The following DENND5A variants were observed in gnomAD, a reference collection of about 807,000 sequenced individuals.
DENND5A encodes the protein DENN domain-containing protein 5A.
DENND5A carries 64 observed loss-of-function variants against 140.3 expected under a neutral mutation model. The observed-to-expected ratio is 0.46, with a 90% confidence interval of 0.37 to 0.56. DENND5A has a LOEUF of 0.56. DENND5A is among the 20% of genes least tolerant of loss of function. DENND5A has a pLI of 0.00. For synonymous variants in DENND5A, 605 were observed against 607.7 expected, an observed-to-expected ratio of 1.00 and a Z score of 0.07; for missense variants, 1,292 against 1,593.8, an observed-to-expected ratio of 0.81 and a Z score of 3.22.
At chr11:9,238,722 T>C (rs1851108360) in intron 1 of DENND5A, among the ~76,000 whole-genome samples, 1 of 151,748 alleles carries the variant, frequency 6.6e-6, no homozygotes, top group Non-Finnish European at 1.5e-5. Flanking sequence ...CCCAAAAATA[T>C]TTTTTAACTG....
At chr11:9,191,792 G>A (rs933314617) in intron 5 of DENND5A, among the ~76,000 whole-genome samples, 1 of 152,128 alleles carries the variant, frequency 6.6e-6, no homozygotes, top group Non-Finnish European at 1.5e-5. Flanking sequence ...TGCCTCTTTG[G>A]CCTTCCACCT....
chr11:9,203,876 A>G lies in DENND5A; in HGVS notation c.733T>C (p.Tyr245His), dbSNP rs760147613. 2.3e-5 allele frequency: 37 copies of G among 1,614,028 alleles called. No individual in the cohort carries two copies. The South Asian group carries it at 3.6e-4, about 16-fold the overall frequency. The part of the protein sequence containing the change: ...PPPLPLESYI[Y>H]NVLYEVPLPP... The stretch of plus-strand genomic sequence containing the variant: ...AGCGGCACCTCGTAGAGTACGTTGT[A>G]TATGTAGCTCTCAAGGGGCAGTGGA... The change falls in exon 4 of 23, where the codon TAC becomes CAC. Residue 245 changes from tyrosine to histidine, a missense_variant. By Grantham distance (83) the Tyr-to-His change is moderately conservative. Coordinates refer to ENST00000328194, the MANE Select transcript of DENND5A (RefSeq NM_015213.4).
intron 3 of DENND5A, 105 bp from the exon 4 acceptor site, chr11:9,204,422 C>T (rs1047730313): frequency 9.0e-7 from 1 of 1,108,440 alleles, no homozygotes; most frequent in South Asian, 1.6e-5. Context: ...CTAAGCTGAG[C>T]GTGTATCTGG....
At chr11:9,171,017 A>C in intron 8 of DENND5A, 3 of 589,066 alleles carry the variant, frequency 5.1e-6, no homozygotes, top group Non-Finnish European at 2.8e-6. Context: ...CAGGTAACAA[A>C]TGAGGTAACC....
At chr11:9,207,708 C>T in intron 1 of DENND5A, 76 bp from the exon 2 acceptor site, 2 of 1,037,114 alleles carry the variant, frequency 1.9e-6, no homozygotes, top group Non-Finnish European at 3.0e-6. Context: ...TATTCCAGTA[C>T]AAATTACATT....
At chr11:9,222,798 A>G (rs1212434561) in intron 1 of DENND5A, among the ~76,000 whole-genome samples, 3 of 152,222 alleles carry the variant, frequency 2.0e-5, no homozygotes, top group Non-Finnish European at 4.4e-5. Context: ...AGGAAAAGCA[A>G]AGAGGCCTCA....
chr11:9,151,235 G>C lies in DENND5A; in HGVS notation c.2522-471C>G, dbSNP rs1011089827. Among the ~76,000 whole-genome samples the C allele has an allele frequency of 7.2e-5, 11 of 152,188 alleles. No individual in the cohort carries two copies. In the South Asian group the frequency reaches 2.1e-3, roughly 29 times the overall value. ...AAGAGAATATATAAAGAACAAGAAT[G>C]TTCTGGTTCTGTTCCAGAATGATAG... On this transcript the variant is annotated intron_variant, in intron 13 of 22. Transcript: ENST00000328194.
At chr11:9,162,181 A>G (rs1848006434) in intron 11 of DENND5A, among the ~76,000 whole-genome samples, 1 of 150,212 alleles carries the variant, frequency 6.7e-6, no homozygotes, top group African/African-American at 2.4e-5. Flanking sequence ...TGTGAAATAT[A>G]TAATATATAT....
At chr11:9,194,220 C>G (rs755488918) in intron 4 of DENND5A, among the ~76,000 whole-genome samples, 3 of 152,180 alleles carry the variant, frequency 2.0e-5, no homozygotes, top group African/African-American at 7.2e-5. Context: ...ACCTGGCAAC[C>G]TTTCCTGAAT....
chr11:9,254,716 T>C (rs1293824564), intron 1 of DENND5A, among the ~76,000 whole-genome samples: 1 of 152,138 alleles, frequency 6.6e-6, no homozygotes, highest in Non-Finnish European at 1.5e-5. Context: ...ATAAAACTTT[T>C]TATAGCTACT....
chr11:9,210,132 GA>G (rs1156344516), intron 1 of DENND5A, among the ~76,000 whole-genome samples: 1 of 151,944 alleles, frequency 6.6e-6, no homozygotes, highest in Non-Finnish European at 1.5e-5. Context: ...GAAACAGTAG[GA>G]AAACTTAATC....
intron 1 of DENND5A, among the ~76,000 whole-genome samples, chr11:9,241,474 C>CCT (rs1851231810): frequency 6.6e-6 from 1 of 152,142 alleles, no homozygotes; most frequent in African/African-American, 2.4e-5. Context: ...CCCCACACTC[C>CCT]CTCTCCCTTC....
intron 1 of DENND5A, among the ~76,000 whole-genome samples, chr11:9,263,706 G>A (rs1852313285): frequency 6.8e-6 from 1 of 147,858 alleles, no homozygotes; most frequent in African/African-American, 2.5e-5. Context: ...GCCGGGCGCG[G>A]TGGCGGGCGC....
intron 22 of DENND5A, 142 bp downstream of exon 22, chr11:9,141,798 T>A (rs1270318444): frequency 3.1e-6 from 2 of 646,768 alleles, no homozygotes; most frequent in East Asian, 3.2e-5. Context: ...CAGAGGAAAT[T>A]CAGGGCTTCT....
chr11:9,247,834 C>T (rs549671648), intron 1 of DENND5A, among the ~76,000 whole-genome samples: 5 of 152,254 alleles, frequency 3.3e-5, no homozygotes, highest in Admixed American at 3.3e-4. Flanking sequence ...TCTCTACAGA[C>T]TCAAATTTCC....
intron 6 of DENND5A, 114 bp from the exon 7 acceptor site, chr11:9,179,187 A>ACT: frequency 1.5e-5 from 13 of 873,044 alleles, no homozygotes; most frequent in Non-Finnish European, 2.1e-5. Flanking sequence ...TTTACTTAGC[A>ACT]GGAAATGATG....
intron 1 of DENND5A, among the ~76,000 whole-genome samples, chr11:9,238,216 T>C (rs1463165057): frequency 6.6e-6 from 1 of 152,166 alleles, no homozygotes; most frequent in Non-Finnish European, 1.5e-5. Context: ...GAAATATTCA[T>C]GATAGAACAT....
chr11:9,170,603 A>G (rs1445301104), intron 9 of DENND5A, 24 bp downstream of exon 9: 1 of 1,613,380 alleles, frequency 6.2e-7, no homozygotes, highest in Non-Finnish European at 8.5e-7. Flanking sequence ...GAGTTGGATT[A>G]GTGAATCCCT....
chr11:9,250,623 T>C (rs965828287), intron 1 of DENND5A, among the ~76,000 whole-genome samples: 1 of 152,166 alleles, frequency 6.6e-6, no homozygotes, highest in Non-Finnish European at 1.5e-5. Context: ...TGGGTAACAA[T>C]GGACAAACAA....
Sources: allele counts gnomAD v4.1 joint callset (sites outside exome capture counted in the v4.1 genomes callset), GRCh38; gene constraint gnomAD v4.1.1; transcripts MANE v1.5; gene names NCBI Gene and HGNC (gene_info 2026-07-23, HGNC 2026-07-21).